TBL1X: variants seen among roughly 807,000 people sequenced by gnomAD.
TBL1X encodes the protein F-box-like/WD repeat-containing protein TBL1X.
Under a neutral mutation model 50.7 loss-of-function variants are expected in TBL1X, and 10 were observed. The observed-to-expected ratio is 0.20, with a 90% CI of 0.12 to 0.33. The LOEUF is 0.33. Ranked by LOEUF, TBL1X falls within the 10% of genes least tolerant of loss-of-function variation. The probability of loss-of-function intolerance (pLI) is 1.00; values close to 1 mark genes in which losing one functional copy is unlikely to be tolerated. For synonymous variants in TBL1X, 190 were observed against 214.7 expected (o/e 0.88, Z 1.01); for missense variants, 340 against 504.4 (o/e 0.67, Z 3.12).
intron 7 of TBL1X, 101 bp downstream of exon 7, chrX:9,688,376 T>C: frequency 2.6e-6 from 2 of 766,333 alleles, no homozygotes; most frequent in Admixed American, 4.1e-5. Flanking sequence ...CTGCTATAAA[T>C]GTCTTAGAAG....
At chrX:9,542,635 A>G (rs1025245575) in intron 2 of TBL1X, among the ~76,000 whole-genome samples, 1 of 109,772 alleles carries the variant, frequency 9.1e-6, no homozygotes, top group Non-Finnish European at 1.9e-5. Flanking sequence ...GCAGCATGGT[A>G]ACTTCTCTCA....
intron 2 of TBL1X, among the ~76,000 whole-genome samples, chrX:9,548,685 A>G (rs2082256896): frequency 8.9e-6 from 1 of 112,541 alleles, no homozygotes; most frequent in Non-Finnish European, 1.9e-5. Context: ...ATATCTGCTC[A>G]AAATGCCCAT....
intron 2 of TBL1X, among the ~76,000 whole-genome samples, chrX:9,525,178 C>T (rs2082125882): frequency 9.0e-6 from 1 of 111,007 alleles, no homozygotes; most frequent in African/African-American, 3.3e-5. Context: ...TGAGAAATTT[C>T]GTCTTTCCAC....
rs369743302 is a variant in TBL1X, at chrX:9,646,190, C to T, written c.-43+5830C>T. 8.1e-4 allele frequency among the ~76,000 whole-genome samples: 91 copies of T among 112,323 alleles called. No individual in the cohort carries two copies. The Middle Eastern group carries it at 0.014, about 17-fold the overall frequency. The stretch of plus-strand genomic sequence containing the variant: ...TTGGTTTCTAAAATCATCTTCATGG[C>T]GGCCTGATAGTTCCCATATGTGTTC... On this transcript the variant is annotated intron_variant, in intron 3 of 17. Coordinates refer to ENST00000645353, the MANE Select transcript of TBL1X (RefSeq NM_005647.4).
At chrX:9,635,773 C>T in intron 2 of TBL1X, among the ~76,000 whole-genome samples, 1 of 112,205 alleles carries the variant, frequency 8.9e-6, no homozygotes, top group Middle Eastern at 4.2e-3. Context: ...TCCGCCCATC[C>T]TGTGCACCTT....
At chrX:9,680,437 C>T (rs190174634) in intron 5 of TBL1X, among the ~76,000 whole-genome samples, 50 of 111,579 alleles carry the variant, frequency 4.5e-4, no homozygotes, top group Non-Finnish European at 8.1e-4. Flanking sequence ...CTCATCAGCA[C>T]CTCAAGGTAC....
chrX:9,563,071 T>C (rs1232530718), intron 2 of TBL1X, among the ~76,000 whole-genome samples: 2 of 112,918 alleles, frequency 1.8e-5, no homozygotes, highest in African/African-American at 6.4e-5. Context: ...TTCTGGCTTC[T>C]GCCCTACCCA....
intron 2 of TBL1X, among the ~76,000 whole-genome samples, chrX:9,629,894 G>A (rs932228889): frequency 1.8e-5 from 2 of 110,803 alleles, no homozygotes; most frequent in Admixed American, 9.6e-5. Context: ...GGAGCAGGAC[G>A]GGGCTCAGTG....
At chrX:9,629,017 G>T (rs1332205721) in intron 2 of TBL1X, among the ~76,000 whole-genome samples, 1 of 112,606 alleles carries the variant, frequency 8.9e-6, no homozygotes, top group African/African-American at 3.2e-5. Context: ...CCTGTCAGTG[G>T]GGCCATTCTA....
intron 5 of TBL1X, among the ~76,000 whole-genome samples, chrX:9,672,569 A>G (rs1457087354): frequency 9.0e-6 from 1 of 110,936 alleles, no homozygotes; most frequent in Non-Finnish European, 1.9e-5. Flanking sequence ...TGCCTGTAGT[A>G]ATATGTCACT....
intron 12 of TBL1X, among the ~76,000 whole-genome samples, chrX:9,701,832 T>C (rs1601850036): frequency 9.0e-6 from 1 of 111,541 alleles, no homozygotes; most frequent in Non-Finnish European, 1.9e-5. Flanking sequence ...GCTCAGGCGA[T>C]GTTGTAAACG....
rs766414599 is a variant in TBL1X at position 9,588,695 on chromosome X, C to T, written c.-130-51578C>T. ...CTCGGCTCACTGCAACCACCGCTTT[C>T]CAGGTTCAAGCATTCTCCTGCCTCA... is the stretch of plus-strand genomic sequence containing the variant. On this transcript the variant is annotated intron_variant, in intron 2 of 17. Transcript: ENST00000645353. Among the ~76,000 whole-genome samples, 144 of 108,845 alleles carry T rather than the reference C, an allele frequency of 1.3e-3. 1 individual carries two copies. The highest frequency in any genetic ancestry group is 4.3e-3 in the Middle Eastern group (1 of 235). The allele number at this position is 108,845 out of a possible 115,157, so 94.5% of individuals were successfully genotyped here. A position where few individuals can be genotyped will look rare whatever the true frequency, so the allele number is the denominator to read the frequency against.
intron 5 of TBL1X, among the ~76,000 whole-genome samples, chrX:9,664,225 A>C (rs924308516): frequency 8.9e-6 from 1 of 112,598 alleles, no homozygotes; most frequent in Non-Finnish European, 1.9e-5. Flanking sequence ...ATTTAATTGT[A>C]AAAAAGACTA....
chrX:9,610,870 A>G (rs1157300401), intron 2 of TBL1X, among the ~76,000 whole-genome samples: 1 of 112,320 alleles, frequency 8.9e-6, no homozygotes, highest in East Asian at 2.8e-4. Context: ...GTTTTACAGC[A>G]CAACAGATTT....
At chrX:9,651,457 C>A (rs1460855380) in intron 3 of TBL1X, among the ~76,000 whole-genome samples, 1 of 112,178 alleles carries the variant, frequency 8.9e-6, no homozygotes, top group African/African-American at 3.2e-5. Context: ...AGATTTCTAG[C>A]TGTGCAAGAT....
At chrX:9,649,456 C>T (rs1394195303) in intron 3 of TBL1X, among the ~76,000 whole-genome samples, 1 of 111,862 alleles carries the variant, frequency 8.9e-6, no homozygotes, top group Non-Finnish European at 1.9e-5. Flanking sequence ...AGAAAGTTAA[C>T]AATGTATTGG....
intron 3 of TBL1X, chrX:9,645,082 A>C (rs1461071907): frequency 8.9e-6 from 1 of 112,053 alleles, no homozygotes; most frequent in African/African-American, 3.2e-5. Context: ...ATTATCTCTG[A>C]AGACATTGCC....
chrX:9,545,567 C>T (rs777505876), intron 2 of TBL1X, among the ~76,000 whole-genome samples: 1 of 108,533 alleles, frequency 9.2e-6, no homozygotes, highest in Non-Finnish European at 1.9e-5. Flanking sequence ...AAAATTCAAA[C>T]CCTCAGAAAA....
At chrX:9,503,721 T>G (rs1034688042) in intron 2 of TBL1X, among the ~76,000 whole-genome samples, 13 of 112,738 alleles carry the variant, frequency 1.2e-4, no homozygotes, top group Non-Finnish European at 2.1e-4. Context: ...GGGGTGTGTG[T>G]GGGGCGGGGC....
Sources: allele counts gnomAD v4.1 joint callset (sites outside exome capture counted in the v4.1 genomes callset), GRCh38; gene constraint gnomAD v4.1.1; transcripts MANE v1.5; gene names NCBI Gene and HGNC (gene_info 2026-07-23, HGNC 2026-07-21).